Variants in SOX5 observed in about 807,000 individuals in gnomAD.
SOX5 encodes transcription factor SOX-5.
SOX5 carries 9 observed loss-of-function variants against 92.0 expected under a neutral mutation model. That is an observed-to-expected ratio of 0.10 (90% CI 0.06 to 0.17). SOX5 has a LOEUF of 0.17. SOX5 is among the 10% of genes least tolerant of loss of function. The probability of loss-of-function intolerance (pLI) is 1.00; values close to 1 mark genes in which losing one functional copy is unlikely to be tolerated. For synonymous variants in SOX5, 344 were observed against 336.3 expected, an observed-to-expected ratio of 1.02 and a Z score of -0.25; for missense variants, 642 against 944.5, an observed-to-expected ratio of 0.68 and a Z score of 4.20.
At chr12:23,790,171 GAAC>G (rs372952130) in intron 3 of SOX5, among the ~76,000 whole-genome samples, 147 of 152,116 alleles carry the variant, frequency 9.7e-4, no homozygotes, top group African/African-American at 3.1e-3. Context: ...GTATGAAATA[GAAC>G]AACATTTGCT....
intron 3 of SOX5, among the ~76,000 whole-genome samples, chr12:23,759,757 A>C (rs2094512955): frequency 6.6e-6 from 1 of 152,130 alleles, no homozygotes; most frequent in Non-Finnish European, 1.5e-5. Context: ...TGACACAATT[A>C]TGTAAGTGTA....
intron 11 of SOX5, among the ~76,000 whole-genome samples, chr12:23,559,371 C>A (rs1291372348): frequency 6.6e-6 from 1 of 152,150 alleles, no homozygotes; most frequent in Non-Finnish European, 1.5e-5. Flanking sequence ...AATCAGTCTA[C>A]AATTAACCAG....
intron 3 of SOX5, among the ~76,000 whole-genome samples, chr12:23,798,765 A>C (rs1434480420): frequency 6.6e-6 from 1 of 151,986 alleles, no homozygotes; most frequent in Non-Finnish European, 1.5e-5. Flanking sequence ...AACTTGATAA[A>C]TTTGAGATTA....
intron 4 of SOX5, among the ~76,000 whole-genome samples, chr12:23,962,623 C>A (rs1947081415): frequency 6.6e-6 from 1 of 152,128 alleles, no homozygotes; most frequent in African/African-American, 2.4e-5. Flanking sequence ...TGGCAATAAT[C>A]CTGTCAAATA....
At chr12:23,966,745 T>C (rs190066932) in intron 4 of SOX5, among the ~76,000 whole-genome samples, 9 of 152,316 alleles carry the variant, frequency 5.9e-5, no homozygotes, top group East Asian at 1.9e-4. Flanking sequence ...ACAATACTTA[T>C]CTTGCAAAGA....
chr12:23,733,692 T>C (rs897051138), intron 6 of SOX5, among the ~76,000 whole-genome samples: 2 of 152,204 alleles, frequency 1.3e-5, no homozygotes, highest in Non-Finnish European at 2.9e-5. Flanking sequence ...ACATGATTAA[T>C]ACAAGAGTGA....
intron 3 of SOX5, among the ~76,000 whole-genome samples, chr12:24,226,609 T>A (rs1565698135): frequency 6.6e-6 from 1 of 152,084 alleles, no homozygotes; most frequent in Non-Finnish European, 1.5e-5. Flanking sequence ...TAACTGGGAT[T>A]ACACGCACCC....
chr12:24,094,487 G>A (rs1333252891), intron 4 of SOX5, among the ~76,000 whole-genome samples: 1 of 139,350 alleles, frequency 7.2e-6, no homozygotes, highest in Admixed American at 7.3e-5. Flanking sequence ...ATTTAGAGGT[G>A]TCTTTTGATG....
At chr12:23,934,866 C>G (rs1016504121) in intron 1 of SOX5, among the ~76,000 whole-genome samples, 1 of 151,142 alleles carries the variant, frequency 6.6e-6, no homozygotes, top group Non-Finnish European at 1.5e-5. Context: ...ATGTAAATCG[C>G]AAAGATCACA....
intron 6 of SOX5, among the ~76,000 whole-genome samples, chr12:23,725,657 T>C (rs117474317): frequency 2.6e-5 from 4 of 152,290 alleles, no homozygotes; most frequent in Non-Finnish European, 5.9e-5. Flanking sequence ...AATTTTGGAA[T>C]ATTATTTTCA....
intron 4 of SOX5, among the ~76,000 whole-genome samples, chr12:24,019,144 GA>G (rs1161584430): frequency 1.3e-5 from 2 of 151,694 alleles, no homozygotes; most frequent in South Asian, 4.2e-4. Context: ...CCAACTTTTA[GA>G]AAAAAAATGT....
intron 3 of SOX5, among the ~76,000 whole-genome samples, chr12:23,832,271 C>G (rs1435959703): frequency 6.6e-6 from 1 of 151,872 alleles, no homozygotes; most frequent in South Asian, 2.1e-4. Context: ...TTCATTTAGG[C>G]AACTGCCCAA....
chr12:24,305,396 G>T (rs1948454682), intron 2 of SOX5, among the ~76,000 whole-genome samples: 1 of 152,082 alleles, frequency 6.6e-6, no homozygotes, highest in Non-Finnish European at 1.5e-5. Flanking sequence ...ACAGAGATGG[G>T]GGTTCATGAA....
Position 23,904,354 on chromosome 12 carries a change from T to A in SOX5, c.39-8330A>T, listed in dbSNP as rs1222967310. Among the ~76,000 whole-genome samples the A allele has an allele frequency of 5.3e-5, 8 of 152,172 alleles. No homozygotes were observed. The East Asian group carries it at 1.5e-3, about 29-fold the overall frequency. ...TACAAAAACCTGGTTCATTATACCG[T>A]TATTTAGCGGCATGAACAAGTTCAT... On this transcript the variant is annotated intron_variant, in intron 1 of 14. Coordinates refer to ENST00000451604, the MANE Select transcript of SOX5 (RefSeq NM_006940.6).
In SOX5 at chr12:23,666,023, T is replaced by G. The variant is rs1468494548; in HGVS notation, c.811-459A>C. On this transcript the variant is annotated intron_variant, in intron 6 of 14. Transcript: ENST00000451604. ...TAGCTCTTCATTATTTGAGGACAAA[T>G]TCTCATGTTCACACATAATATTGAA... Among the ~76,000 whole-genome samples the G allele has an allele frequency of 2.6e-5, 4 of 152,128 alleles. No individual in the cohort carries two copies. The South Asian group carries it at 8.3e-4, about 31-fold the overall frequency.
chr12:24,140,481 G>A (rs1171065567), intron 4 of SOX5, among the ~76,000 whole-genome samples: 2 of 152,078 alleles, frequency 1.3e-5, no homozygotes, highest in Admixed American at 1.3e-4. Context: ...GGTCATACAG[G>A]TATTGCTTAT....
intron 6 of SOX5, among the ~76,000 whole-genome samples, chr12:23,686,891 T>C (rs1221481080): frequency 2.6e-5 from 4 of 152,012 alleles, no homozygotes; most frequent in Admixed American, 6.6e-5. Flanking sequence ...ACGTTTCCAA[T>C]AGAACAAATT....
At chr12:24,179,366 T>G (rs1955205543) in intron 4 of SOX5, among the ~76,000 whole-genome samples, 4 of 152,312 alleles carry the variant, frequency 2.6e-5, no homozygotes, top group Admixed American at 2.0e-4. Flanking sequence ...CAGTACAAAA[T>G]GATATGCATT....
chr12:24,068,677 C>T (rs1237069134), intron 4 of SOX5, among the ~76,000 whole-genome samples: 9 of 76,072 alleles, frequency 1.2e-4, no homozygotes, highest in African/African-American at 2.0e-4. Context: ...AGGTCAAAGT[C>T]GTATGTGTGT....
Sources: gnomAD v4.1 joint callset for allele counts (sites outside exome capture counted in the v4.1 genomes callset) on GRCh38, gnomAD v4.1.1 for gene constraint, MANE v1.5 for transcripts, NCBI Gene and HGNC (gene_info 2026-07-23, HGNC 2026-07-21) for gene names.